Variants in SIPA1L3 observed in about 807,000 individuals in gnomAD.
The protein encoded by SIPA1L3 is signal-induced proliferation-associated 1-like protein 3.
In SIPA1L3, 59 loss-of-function variants were observed where a neutral mutation model predicts 150.1. The ratio of observed to expected loss-of-function variants is 0.39; its 90% CI spans 0.32 to 0.49. The LOEUF is 0.49. Ranked by LOEUF, SIPA1L3 falls within the 20% of genes least tolerant of loss-of-function variation. SIPA1L3 has a pLI of 0.86. For synonymous variants in SIPA1L3, 1,070 were observed against 1,077.6 expected (o/e 0.99, Z 0.14); for missense variants, 2,211 against 2,489.5 (o/e 0.89, Z 2.38).
At chr19:38,120,637 G>C (rs146139057) in intron 9 of SIPA1L3, among the ~76,000 whole-genome samples, 1 of 152,226 alleles carries the variant, frequency 6.6e-6, no homozygotes, top group Non-Finnish European at 1.5e-5. Flanking sequence ...TTCCATGTTA[G>C]TAATCACAGT....
At chr19:38,085,546 T>C (rs1440041848) in intron 3 of SIPA1L3, among the ~76,000 whole-genome samples, 1 of 151,534 alleles carries the variant, frequency 6.6e-6, no homozygotes, top group Non-Finnish European at 1.5e-5. Flanking sequence ...TGAGGCAATG[T>C]CAGTATCACA....
At chr19:38,151,787 AC>A (rs1375115195) in intron 12 of SIPA1L3, among the ~76,000 whole-genome samples, 1 of 151,826 alleles carries the variant, frequency 6.6e-6, no homozygotes, top group South Asian at 2.1e-4. Context: ...ACATGGTGAA[AC>A]CCATCTCTAC....
rs952247813 is a variant in SIPA1L3 at position 38,000,505 on chromosome 19, C to T, written c.-378-28584C>T. Among the ~76,000 whole-genome samples, 122 of 147,038 alleles carry T rather than the reference C, an allele frequency of 8.3e-4. 1 individual carries two copies. The highest frequency in any genetic ancestry group is 2.1e-4 in the South Asian group (1 of 4,664). The stretch of plus-strand genomic sequence containing the variant: ...AAAAAAAAAAAAAAAAAAAGAACCT[C>T]GGTTTATAAATAGTGGTTCAGATGG... On this transcript the variant is annotated intron_variant, in intron 1 of 21. Coordinates refer to ENST00000222345, the MANE Select transcript of SIPA1L3 (RefSeq NM_015073.3).
In SIPA1L3 at chr19:38,193,753, G is replaced by A. The variant is rs751469007; in HGVS notation, c.4813G>A (p.Ala1605Thr). The change falls in exon 18 of 22, where the codon GCC becomes ACC. Residue 1605 changes from alanine to threonine, a missense_variant. Ala to Thr is a moderately conservative substitution (Grantham distance 58). This residue lies in a region of SIPA1L3 where 806 missense variants were observed against 870.1 expected (regional missense o/e 0.93). Transcript: ENST00000222345. ...PPVGPGATPA[A>T]GSGFPEKKST... is the part of the protein sequence containing the mutation. ...CGTCGGCCCCGGTGCCACCCCTGCC[G>A]CCGGCAGCGGCTTTCCCGAGAAGAA... 49 of 1,571,770 alleles carry A rather than the reference G, an allele frequency of 3.1e-5. No individual in the cohort carries two copies. Among genetic ancestry groups the A allele is most frequent in the East Asian group, 2.3e-4 (10 of 43,444 alleles).
At chr19:38,150,567 C>G (rs1173212809) in intron 12 of SIPA1L3, among the ~76,000 whole-genome samples, 1 of 110,266 alleles carries the variant, frequency 9.1e-6, no homozygotes, top group African/African-American at 3.3e-5. Flanking sequence ...GAGTCTTGTT[C>G]TGTTGTCCAG....
chr19:37,972,035 A>G (rs950889467), intron 1 of SIPA1L3, among the ~76,000 whole-genome samples: 1 of 152,210 alleles, frequency 6.6e-6, no homozygotes, highest in East Asian at 1.9e-4. Flanking sequence ...GAATAATGCT[A>G]TAAACATTCA....
intron 12 of SIPA1L3, among the ~76,000 whole-genome samples, chr19:38,148,431 G>A (rs1021901945): frequency 9.9e-5 from 15 of 152,018 alleles, no homozygotes; most frequent in Middle Eastern, 3.4e-3. Context: ...TTGCACCTCT[G>A]TGGCTGTGTT....
intron 1 of SIPA1L3, among the ~76,000 whole-genome samples, chr19:37,915,527 G>A (rs553423359): frequency 7.2e-5 from 11 of 151,882 alleles, no homozygotes; most frequent in Non-Finnish European, 1.5e-4. Flanking sequence ...AGTTACAGGC[G>A]CCCACCGCCA....
intron 1 of SIPA1L3, among the ~76,000 whole-genome samples, chr19:37,947,578 A>G (rs1289504574): frequency 6.6e-6 from 1 of 152,024 alleles, no homozygotes; most frequent in African/African-American, 2.4e-5. Flanking sequence ...TTTCCCACTA[A>G]TATGAAACTC....
chr19:38,082,446 G>A lies in SIPA1L3; in HGVS notation c.881G>A (p.Gly294Glu). The change falls in exon 3 of 22, where the codon GGG (glycine) becomes GAG (glutamate). Residue 294 changes from glycine to glutamate, a missense_variant. By Grantham distance (98) the Gly-to-Glu change is moderately conservative. This residue lies in a region of SIPA1L3 where 587 missense variants were observed against 534.5 expected (regional missense o/e 1.10). Transcript: ENST00000222345. ...AAACCTGCGCGGGGCCTCGGCGGCG[G>A]GGACACGGTGGACTCGTCCATCTTT... Reference protein sequence around the residue: ...RKKPARGLGGGDTVDSSIFRK... With the variant: ...RKKPARGLGGEDTVDSSIFRK... 6.3e-7 allele frequency: 1 copy of A among 1,589,448 alleles called. No homozygotes were observed. The highest frequency in any genetic ancestry group is 8.5e-7 in the Non-Finnish European group (1 of 1,169,788).
chr19:38,122,771 A>G (rs1333774309), intron 9 of SIPA1L3, among the ~76,000 whole-genome samples: 4 of 152,172 alleles, frequency 2.6e-5, no homozygotes, highest in Non-Finnish European at 5.9e-5. Flanking sequence ...GTCCAGCCTC[A>G]GGGCCTTTGT....
At chr19:38,140,060 C>T (rs948783915) in intron 10 of SIPA1L3, among the ~76,000 whole-genome samples, 4 of 152,220 alleles carry the variant, frequency 2.6e-5, no homozygotes, top group African/African-American at 7.2e-5. Flanking sequence ...CCATAGCAGC[C>T]TCTGAACCAC....
chr19:37,927,065 T>C (rs115086683), intron 1 of SIPA1L3, among the ~76,000 whole-genome samples: 3,224 of 151,934 alleles, frequency 0.021, 122 homozygotes, highest in African/African-American at 0.073. Flanking sequence ...CATGAGTATA[T>C]TGTGTGATGC....
intron 12 of SIPA1L3, among the ~76,000 whole-genome samples, chr19:38,151,644 ACAAGATTCACCC>A (rs1326067391): frequency 1.3e-5 from 2 of 152,122 alleles, no homozygotes; most frequent in Non-Finnish European, 2.9e-5. Context: ...GGAAGTGTCT[ACAAGATTCACCC>A]CATGGTTGTA....
At chr19:37,923,388 C>T (rs187791513) in intron 1 of SIPA1L3, among the ~76,000 whole-genome samples, 206 of 152,334 alleles carry the variant, frequency 1.4e-3, no homozygotes, top group African/African-American at 4.7e-3. Flanking sequence ...AGGCCACAAA[C>T]CTACACACAT....
intron 2 of SIPA1L3, 103 bp from the exon 3 acceptor site, chr19:38,081,153 A>C: frequency 5.0e-6 from 2 of 399,156 alleles, no homozygotes; most frequent in Non-Finnish European, 8.8e-6. Flanking sequence ...TAATAAAAAG[A>C]TTTTTTAAAT....
At chr19:38,009,573 A>G (rs550042929) in intron 1 of SIPA1L3, among the ~76,000 whole-genome samples, 1 of 151,808 alleles carries the variant, frequency 6.6e-6, no homozygotes, top group Non-Finnish European at 1.5e-5. Context: ...CAACCGTTCA[A>G]TTGCTGTTAC....
At chr19:37,965,015 A>C (rs2046890616) in intron 1 of SIPA1L3, among the ~76,000 whole-genome samples, 2 of 152,196 alleles carry the variant, frequency 1.3e-5, no homozygotes, top group African/African-American at 4.8e-5. Context: ...TTTCTCATGT[A>C]AATGCATTAG....
intron 15 of SIPA1L3, among the ~76,000 whole-genome samples, chr19:38,167,417 G>A (rs1160265076): frequency 1.3e-5 from 2 of 152,100 alleles, no homozygotes; most frequent in Non-Finnish European, 2.9e-5. Context: ...AGTGATTGTA[G>A]TGTCAGCACT....
Sources: gnomAD v4.1 joint callset for allele counts (sites outside exome capture counted in the v4.1 genomes callset) on GRCh38, gnomAD v4.1.1 for gene constraint, gnomAD v4.1.1 regional missense constraint, MANE v1.5 for transcripts, NCBI Gene and HGNC (gene_info 2026-07-23, HGNC 2026-07-21) for gene names.